Variants in EMC2 observed in about 807,000 individuals in gnomAD.
EMC2 encodes the protein TPR repeat protein 35.
EMC2 carries 37 observed loss-of-function variants against 51.6 expected under a neutral mutation model. That is an observed-to-expected ratio of 0.72 (90% CI 0.55 to 0.94). EMC2 has a LOEUF of 0.94. EMC2 is among the 40% of genes least tolerant of loss of function. The pLI is 0.00. For synonymous variants in EMC2, 131 were observed against 112.4 expected (o/e 1.17, Z -1.04); for missense variants, 359 against 350.9 (o/e 1.02, Z -0.18).
intron 7 of EMC2, chr8:108,473,853 AATT>A (rs1810902149): frequency 6.6e-6 from 1 of 152,038 alleles, no homozygotes; most frequent in African/African-American, 2.4e-5. Context: ...AGTAGATTCA[AATT>A]ATTTTTACTT....
chr8:108,481,631 G>A (rs1469878379), intron 10 of EMC2, among the ~76,000 whole-genome samples: 1 of 152,002 alleles, frequency 6.6e-6, no homozygotes, highest in Non-Finnish European at 1.5e-5. Context: ...CAGAAAAAAG[G>A]ATGCAAGTCA....
At chr8:108,459,722 G>GAGAGTA (rs1554617752) in intron 5 of EMC2, among the ~76,000 whole-genome samples, 1 of 58,904 alleles carries the variant, frequency 1.7e-5, no homozygotes, top group Non-Finnish European at 3.0e-5. Flanking sequence ...GAGAGAGAGA[G>GAGAGTA]TGTGTGTGTG....
At chr8:108,471,828 C>T (rs975829971) in intron 7 of EMC2, among the ~76,000 whole-genome samples, 2 of 151,814 alleles carry the variant, frequency 1.3e-5, no homozygotes, top group African/African-American at 2.4e-5. Flanking sequence ...ATAAGATGTA[C>T]ATTTTCTGTG....
chr8:108,446,104 C>T (rs1412376940), intron 1 of EMC2: 1 of 168,762 alleles, frequency 5.9e-6, no homozygotes, highest in Non-Finnish European at 1.3e-5. Context: ...CCCTATTATA[C>T]TCTAAGCATT....
intron 7 of EMC2, among the ~76,000 whole-genome samples, chr8:108,472,249 T>C (rs1454413023): frequency 6.6e-6 from 1 of 151,978 alleles, no homozygotes; most frequent in Admixed American, 6.6e-5. Context: ...TCATCAAATT[T>C]AGGTTATACC....
chr8:108,470,027 T>C, intron 6 of EMC2, 35 bp from the exon 7 acceptor site: 1 of 1,591,218 alleles, frequency 6.3e-7, no homozygotes, highest in African/African-American at 1.3e-5. Context: ...ACAGAATATC[T>C]ACACACTTAC....
intron 5 of EMC2, among the ~76,000 whole-genome samples, chr8:108,459,721 A>AGTGTGTGT (rs1554617756): frequency 2.0e-4 from 27 of 136,966 alleles, no homozygotes; most frequent in African/African-American, 7.1e-4. Flanking sequence ...AGAGAGAGAG[A>AGTGTGTGT]GTGTGTGTGT....
Position 108,476,879 on chromosome 8 carries a change from T to C in EMC2, c.689T>C (p.Phe230Ser). 1 of 1,534,906 alleles carries C rather than the reference T, an allele frequency of 6.5e-7. No homozygotes were observed. The highest frequency in any genetic ancestry group is 9.0e-7 in the Non-Finnish European group (1 of 1,108,618). Residue 230 changes from phenylalanine (F) to serine (S), a missense_variant, in exon 9 of 11, where the codon TTT becomes TCT. Coordinates refer to ENST00000220853, the MANE Select transcript of EMC2 (RefSeq NM_014673.5). The part of the protein sequence containing the change: ...KLNNRNMRAL[F>S]GLYMSASHIA... The stretch of plus-strand genomic sequence containing the variant: ...AACAACAGAAATATGAGAGCTTTGT[T>C]TGGACTTTATATGGTGAGTTGAGGT...
chr8:108,453,928 G>A (rs1313241630), intron 4 of EMC2, among the ~76,000 whole-genome samples: 1 of 151,984 alleles, frequency 6.6e-6, no homozygotes, highest in African/African-American at 2.4e-5. Flanking sequence ...AAGGATTGTT[G>A]TGTTTTTCTT....
At chr8:108,472,823 G>C (rs919143930) in intron 7 of EMC2, among the ~76,000 whole-genome samples, 2 of 152,012 alleles carry the variant, frequency 1.3e-5, no homozygotes, top group Non-Finnish European at 2.9e-5. Flanking sequence ...CATATGAACA[G>C]TTGTAAGCTT....
intron 8 of EMC2, 73 bp from the exon 9 acceptor site, chr8:108,476,709 T>G: frequency 1.4e-6 from 1 of 721,382 alleles, no homozygotes; most frequent in South Asian, 1.5e-5. Context: ...TGAATGCCTA[T>G]GGTATGATGA....
chr8:108,469,499 T>C (rs1586187903), intron 5 of EMC2, among the ~76,000 whole-genome samples: 1 of 152,118 alleles, frequency 6.6e-6, no homozygotes. Context: ...ACAGATCTTA[T>C]GAATGAGACA....
intron 4 of EMC2, among the ~76,000 whole-genome samples, chr8:108,454,174 C>T (rs1169028814): frequency 6.6e-6 from 1 of 152,026 alleles, no homozygotes; most frequent in Non-Finnish European, 1.5e-5. Context: ...TAGTCTCTGT[C>T]TTTTCATTGG....
chr8:108,477,851 TAAATCA>T (rs1810975227), intron 9 of EMC2, among the ~76,000 whole-genome samples: 1 of 152,112 alleles, frequency 6.6e-6, no homozygotes, highest in African/African-American at 2.4e-5. Context: ...TTTTTTATTT[TAAATCA>T]ATAAATCCGC....
chr8:108,449,241 T>A (rs1302963049), intron 1 of EMC2, among the ~76,000 whole-genome samples: 2 of 150,944 alleles, frequency 1.3e-5, no homozygotes, highest in African/African-American at 4.9e-5. Flanking sequence ...GTCTCCTGAG[T>A]AGCTGGGACC....
chr8:108,474,320 C>A (rs191208107), intron 7 of EMC2: 1 of 151,856 alleles, frequency 6.6e-6, no homozygotes, highest in African/African-American at 2.4e-5. Flanking sequence ...ATTAAAGGAA[C>A]ACATTTAGAA....
intron 5 of EMC2, among the ~76,000 whole-genome samples, chr8:108,458,878 C>G (rs1348033261): frequency 6.6e-6 from 1 of 152,166 alleles, no homozygotes; most frequent in Admixed American, 6.5e-5. Context: ...ATTGCATTGT[C>G]AGGCTGCAAA....
At chr8:108,485,117 G>T (rs78278947) in intron 10 of EMC2, among the ~76,000 whole-genome samples, 1 of 151,768 alleles carries the variant, frequency 6.6e-6, no homozygotes, top group East Asian at 1.9e-4. Context: ...TAGCCAGAGG[G>T]GTCAGAGACA....
At chr8:108,481,493 AAGT>A (rs1324073403) in intron 10 of EMC2, among the ~76,000 whole-genome samples, 8 of 152,074 alleles carry the variant, frequency 5.3e-5, no homozygotes, top group African/African-American at 1.9e-4. Flanking sequence ...TGTAATATAA[AAGT>A]AACGTTATGC....
Sources: allele counts gnomAD v4.1 joint callset (sites outside exome capture counted in the v4.1 genomes callset), GRCh38; gene constraint gnomAD v4.1.1; transcripts MANE v1.5; gene names NCBI Gene and HGNC (gene_info 2026-07-23, HGNC 2026-07-21).